SV2C: variants seen among roughly 807,000 people sequenced by gnomAD.
SV2C encodes the protein synaptic vesicle glycoprotein 2C.
In SV2C, 49 loss-of-function variants were observed where a neutral mutation model predicts 79.7. The observed-to-expected ratio is 0.61, with a 90% CI of 0.49 to 0.78. SV2C has a LOEUF of 0.78. Among genes scored for constraint, SV2C ranks in the 30% least tolerant of loss-of-function variants. The pLI is 0.00. For missense variants in SV2C, 833 were observed against 912.9 expected (o/e 0.91, Z 1.13); for synonymous variants, 334 against 333.2 (o/e 1.00, Z -0.03).
the SV2C span, among the ~76,000 whole-genome samples, chr5:76,007,687 G>A: frequency 6.6e-6 from 1 of 152,112 alleles, no homozygotes; most frequent in African/African-American, 2.4e-5. Context: ...CTATGTTGAA[G>A]ACACTCTGAA....
the SV2C span, among the ~76,000 whole-genome samples, chr5:75,967,954 G>T: frequency 1.3e-5 from 2 of 152,124 alleles, no homozygotes; most frequent in Non-Finnish European, 2.9e-5. Flanking sequence ...ACACGGCCAG[G>T]TACTCCTCTG....
At chr5:76,345,655 T>C (rs246809) in intron 12 of SV2C, among the ~76,000 whole-genome samples, 124,993 of 152,186 alleles carry the variant, frequency 0.82, 52,414 homozygotes, top group Middle Eastern at 0.91. Context: ...ATCTGTTGGC[T>C]AACTCAATAG....
the SV2C span, among the ~76,000 whole-genome samples, chr5:76,065,169 T>C: frequency 6.6e-6 from 1 of 152,198 alleles, no homozygotes; most frequent in African/African-American, 2.4e-5. Flanking sequence ...GAACCTTCAG[T>C]GCATGTAGCT....
chr5:76,183,614 C>A (rs1205668592), intron 2 of SV2C, among the ~76,000 whole-genome samples: 4 of 152,090 alleles, frequency 2.6e-5, no homozygotes, highest in South Asian at 2.1e-4. Context: ...TCAGCTGCCC[C>A]AAGGATAAAG....
chr5:76,156,626 T>G (rs1742736245), intron 2 of SV2C, among the ~76,000 whole-genome samples: 1 of 151,978 alleles, frequency 6.6e-6, no homozygotes, highest in Non-Finnish European at 1.5e-5. Flanking sequence ...GCATAATAAA[T>G]ACATTCAAAG....
the SV2C span, among the ~76,000 whole-genome samples, chr5:76,044,138 C>T: frequency 6.6e-6 from 1 of 152,328 alleles, no homozygotes; most frequent in East Asian, 1.9e-4. Context: ...TCAGCTCCCA[C>T]TTACAAGTGA....
chr5:75,855,690 G>A, the SV2C span, among the ~76,000 whole-genome samples: 2 of 152,176 alleles, frequency 1.3e-5, no homozygotes, highest in South Asian at 4.1e-4. Context: ...GTAGGTGTAT[G>A]TATTTATGGG....
At chr5:76,292,007 T>A (rs996333251) in intron 8 of SV2C, 151 bp downstream of exon 8, 1 of 601,536 alleles carries the variant, frequency 1.7e-6, no homozygotes, top group African/African-American at 1.9e-5. Flanking sequence ...AGAGTTATGG[T>A]TTTTATAAAC....
At chr5:76,088,280 TAAAC>T (rs937099183) in intron 1 of SV2C, among the ~76,000 whole-genome samples, 6 of 152,246 alleles carry the variant, frequency 3.9e-5, no homozygotes, top group African/African-American at 1.2e-4. Flanking sequence ...TGAATTTAGA[TAAAC>T]AATAAAAATT....
At chr5:76,260,449 A>G (rs2112455989) in intron 4 of SV2C, among the ~76,000 whole-genome samples, 1 of 152,314 alleles carries the variant, frequency 6.6e-6, no homozygotes, top group South Asian at 2.1e-4. Flanking sequence ...TAGTTTAATT[A>G]GATCCAGTTT....
chr5:75,950,649 G>C, the SV2C span, among the ~76,000 whole-genome samples: 550 of 151,978 alleles, frequency 3.6e-3, 1 homozygote, highest in African/African-American at 0.012. Context: ...CCTTTTGGGT[G>C]GATTTTAGTT....
upstream of SV2C, chr5:76,079,198 T>C (rs570450480): frequency 3.4e-4 from 117 of 340,718 alleles, 3 homozygotes; most frequent in South Asian, 3.8e-3. Context: ...ATTTGGCATA[T>C]ACCTGGGCCA....
the SV2C span, among the ~76,000 whole-genome samples, chr5:75,918,110 G>A: frequency 2.0e-5 from 3 of 152,184 alleles, no homozygotes; most frequent in Non-Finnish European, 2.9e-5. Flanking sequence ...CTGGCAAATA[G>A]TTAAATCCTA....
chr5:76,119,584 T>G (rs7725431), intron 1 of SV2C, among the ~76,000 whole-genome samples: 3,203 of 152,172 alleles, frequency 0.021, 118 homozygotes, highest in African/African-American at 0.074. Context: ...ATGGAAACCC[T>G]GAGCCTGCCA....
the SV2C span, among the ~76,000 whole-genome samples, chr5:75,905,726 A>T: frequency 6.6e-6 from 1 of 151,980 alleles, no homozygotes; most frequent in Non-Finnish European, 1.5e-5. Context: ...CCCTGAAAAA[A>T]TGGGACTTGC....
In SV2C at chr5:76,166,366, C is replaced by T. The variant is rs997888991; in HGVS notation, c.581-28553C>T. Among the ~76,000 whole-genome samples, 5 of 152,258 alleles carry T rather than the reference C, an allele frequency of 3.3e-5. No individual in the cohort carries two copies. The South Asian group carries it at 8.3e-4, about 25-fold the overall frequency. On this transcript the variant is annotated intron_variant, in intron 2 of 12. Transcript: ENST00000502798. The stretch of plus-strand genomic sequence containing the variant: ...CTTAATTCCAAGTTTATAATTAGGA[C>T]CATCAAACCCCTATTTGGTAGCTAA...
At chr5:76,174,193 T>C (rs371908237) in intron 2 of SV2C, 6 of 1,612,290 alleles carry the variant, frequency 3.7e-6, no homozygotes, top group Middle Eastern at 1.7e-4. Context: ...TGATGCAAGC[T>C]TGTCAAAACC....
At chr5:76,083,557 C>T (rs1207327294) in intron 1 of SV2C, 45 bp downstream of exon 1, 1 of 152,400 alleles carries the variant, frequency 6.6e-6, no homozygotes, top group Non-Finnish European at 1.5e-5. Context: ...AGACTTTCCC[C>T]CGCTGCTGGA....
the SV2C span, among the ~76,000 whole-genome samples, chr5:75,912,550 C>T: frequency 6.6e-6 from 1 of 152,142 alleles, no homozygotes; most frequent in Non-Finnish European, 1.5e-5. Context: ...CAACTCTTGA[C>T]TGTAAAAAAT....
Sources: allele counts gnomAD v4.1 joint callset (sites outside exome capture counted in the v4.1 genomes callset), GRCh38; gene constraint gnomAD v4.1.1; transcripts MANE v1.5; gene names NCBI Gene and HGNC (gene_info 2026-07-23, HGNC 2026-07-21).